The following PDE1C variants were observed in gnomAD, a reference collection of about 807,000 sequenced individuals.
PDE1C encodes dual specificity calcium/calmodulin-dependent 3',5'-cyclic nucleotide phosphodiesterase 1C.
A neutral mutation model predicts 93.1 loss-of-function variants in PDE1C; 62 were observed. That is an observed-to-expected ratio of 0.67 (90% CI 0.54 to 0.82). PDE1C has a LOEUF of 0.82. Among genes scored for constraint, PDE1C ranks in the 40% least tolerant of loss-of-function variants. PDE1C has a pLI of 0.00. For missense variants in PDE1C, 742 were observed against 884.6 expected, an observed-to-expected ratio of 0.84 and a Z score of 2.04; for synonymous variants, 325 against 310.1, an observed-to-expected ratio of 1.05 and a Z score of -0.50.
intron 2 of PDE1C, among the ~76,000 whole-genome samples, chr7:31,881,683 G>T (rs561724270): frequency 6.6e-6 from 1 of 152,224 alleles, no homozygotes; most frequent in Admixed American, 6.5e-5. Flanking sequence ...AAGACGAACT[G>T]GGGTTTGAAG....
At chr7:31,750,095 A>G (rs1211951455), downstream of PDE1C, among the ~76,000 whole-genome samples, 2 of 152,178 alleles carry the variant, frequency 1.3e-5, no homozygotes, top group African/African-American at 4.8e-5. Context: ...ACCTTTAGGA[A>G]AAGTCTGCTC....
intron 16 of PDE1C, chr7:31,787,555 G>A (rs1784132331): frequency 6.6e-6 from 1 of 152,172 alleles, no homozygotes; most frequent in East Asian, 1.9e-4. Flanking sequence ...GGGCTAACTT[G>A]TCACATTTTA....
chr7:31,973,939 G>T (rs1811302750), intron 2 of PDE1C, among the ~76,000 whole-genome samples: 1 of 152,174 alleles, frequency 6.6e-6, no homozygotes, highest in African/African-American at 2.4e-5. Context: ...TTTAGTTCCA[G>T]ATGTTTTTGT....
At chr7:31,645,852 C>A in the PDE1C span, among the ~76,000 whole-genome samples, 1 of 152,080 alleles carries the variant, frequency 6.6e-6, no homozygotes, top group Non-Finnish European at 1.5e-5. Context: ...ACAATGAATT[C>A]TTTGGCCCAA....
At chr7:31,780,733 GTTT>G (rs1378449725) in intron 16 of PDE1C, among the ~76,000 whole-genome samples, 1 of 152,008 alleles carries the variant, frequency 6.6e-6, no homozygotes, top group African/African-American at 2.4e-5. Context: ...ATACAACACA[GTTT>G]TTATTATTTG....
chr7:31,643,435 C>T, the PDE1C span: 15 of 1,614,014 alleles, frequency 9.3e-6, no homozygotes, highest in Non-Finnish European at 1.3e-5. Flanking sequence ...TCAGATACTA[C>T]CTGGGACAGA....
At chr7:32,082,799 A>G (rs368202080) in intron 3 of PDE1C, among the ~76,000 whole-genome samples, 5 of 152,298 alleles carry the variant, frequency 3.3e-5, no homozygotes, top group African/African-American at 4.8e-5. Flanking sequence ...GGTCCTGTCT[A>G]TTAGAAGGAA....
the PDE1C span, among the ~76,000 whole-genome samples, chr7:31,736,341 C>T: frequency 6.6e-6 from 1 of 152,176 alleles, no homozygotes; most frequent in Non-Finnish European, 1.5e-5. Flanking sequence ...CCGAATAATC[C>T]TGCCTAATAG....
the PDE1C span, among the ~76,000 whole-genome samples, chr7:31,730,714 A>G: frequency 6.6e-6 from 1 of 152,174 alleles, no homozygotes; most frequent in African/African-American, 2.4e-5. Context: ...CAGTCATGTC[A>G]ATAAATAAGC....
intron 1 of PDE1C, among the ~76,000 whole-genome samples, chr7:32,419,209 G>A (rs1378187044): frequency 1.3e-5 from 2 of 152,150 alleles, no homozygotes; most frequent in East Asian, 3.8e-4. Flanking sequence ...AAATACAGGG[G>A]AACAAAGCTT....
intron 16 of PDE1C, among the ~76,000 whole-genome samples, chr7:31,777,527 C>A (rs1484609080): frequency 2.0e-5 from 3 of 151,960 alleles, no homozygotes; most frequent in African/African-American, 7.3e-5. Context: ...CGGGGTTTCA[C>A]TGTGTTGGCC....
At chr7:31,916,897 G>T (rs1801993379) in intron 2 of PDE1C, among the ~76,000 whole-genome samples, 1 of 152,108 alleles carries the variant, frequency 6.6e-6, no homozygotes, top group South Asian at 2.1e-4. Flanking sequence ...CCCACCACTT[G>T]GTCAATGAAG....
chr7:32,373,686 C>G (rs11764635), intron 1 of PDE1C, among the ~76,000 whole-genome samples: 1 of 152,160 alleles, frequency 6.6e-6, no homozygotes, highest in Non-Finnish European at 1.5e-5. Context: ...TGACATTCCT[C>G]CCATAGAAAA....
At chr7:32,408,854 T>C (rs1478350954) in intron 1 of PDE1C, among the ~76,000 whole-genome samples, 1 of 151,916 alleles carries the variant, frequency 6.6e-6, no homozygotes, top group East Asian at 1.9e-4. Context: ...ATTAATAAAG[T>C]TTAAAGTCTA....
chr7:31,840,766 T>C (rs1429958869), intron 9 of PDE1C, among the ~76,000 whole-genome samples: 1 of 152,194 alleles, frequency 6.6e-6, no homozygotes, highest in Non-Finnish European at 1.5e-5. Context: ...TTCTGTCCCA[T>C]AGTTACGTAT....
chr7:31,873,019 G>T (rs1796131098), intron 6 of PDE1C, among the ~76,000 whole-genome samples: 1 of 152,150 alleles, frequency 6.6e-6, no homozygotes, highest in Non-Finnish European at 1.5e-5. Flanking sequence ...AAGGGAGCTT[G>T]GTTATTACAG....
intron 1 of PDE1C, among the ~76,000 whole-genome samples, chr7:32,316,431 A>C (rs1783174604): frequency 6.6e-6 from 1 of 152,124 alleles, no homozygotes; most frequent in African/African-American, 2.4e-5. Context: ...ACCAGTGAAA[A>C]ACTCCTGCTA....
chr7:31,944,952 C>T (rs940248297), intron 2 of PDE1C, among the ~76,000 whole-genome samples: 2 of 152,008 alleles, frequency 1.3e-5, no homozygotes, highest in Non-Finnish European at 2.9e-5. Flanking sequence ...GAGTTCTTTC[C>T]CCTGCTCTTT....
At chr7:32,233,900 C>T (rs1438510405) in intron 1 of PDE1C, among the ~76,000 whole-genome samples, 1 of 151,934 alleles carries the variant, frequency 6.6e-6, no homozygotes, top group Non-Finnish European at 1.5e-5. Flanking sequence ...AATCATGGGT[C>T]ATAAAACAAA....
Sources: gnomAD v4.1 joint callset for allele counts (sites outside exome capture counted in the v4.1 genomes callset) on GRCh38, gnomAD v4.1.1 for gene constraint, MANE v1.5 for transcripts, NCBI Gene and HGNC (gene_info 2026-07-23, HGNC 2026-07-21) for gene names.